Variants in ATP7A observed in about 807,000 individuals in gnomAD.
ATP7A encodes ATPase copper transporting alpha, also known as copper-transporting ATPase 1.
A neutral mutation model predicts 83.5 loss-of-function variants in ATP7A; 7 were observed. The ratio of observed to expected loss-of-function variants is 0.08; its 90% CI spans 0.05 to 0.16. ATP7A has a LOEUF of 0.16. Ranked by LOEUF, ATP7A falls within the 10% of genes least tolerant of loss-of-function variation. The pLI is 1.00. For missense variants in ATP7A, 940 were observed against 1,120.8 expected (o/e 0.84, Z 2.30); for synonymous variants, 354 against 395.2 (o/e 0.90, Z 1.24).
intron 7 of ATP7A, among the ~76,000 whole-genome samples, chrX:78,010,570 CTT>C (rs5902761): frequency 5.8e-5 from 3 of 51,587 alleles, no homozygotes; most frequent in Middle Eastern, 0.012. Context: ...ATGGTGCTAG[CTT>C]TTTTTTTTTT....
At chrX:78,041,918 G>A (rs2078051551) in intron 19 of ATP7A, among the ~76,000 whole-genome samples, 1 of 109,556 alleles carries the variant, frequency 9.1e-6, no homozygotes, top group Non-Finnish European at 1.9e-5. Context: ...GGGAGTTTGA[G>A]ACCAGCCTGG....
intron 5 of ATP7A, among the ~76,000 whole-genome samples, chrX:78,002,195 G>C (rs2077744112): frequency 9.3e-6 from 1 of 107,330 alleles, no homozygotes; most frequent in East Asian, 2.9e-4. Context: ...TCAGCTTCCT[G>C]AGTAACTGAG....
At chrX:77,997,154 G>A (rs1404560363) in intron 4 of ATP7A, among the ~76,000 whole-genome samples, 2 of 111,963 alleles carry the variant, frequency 1.8e-5, no homozygotes, top group African/African-American at 6.5e-5. Flanking sequence ...ACTTGTACAC[G>A]TACCTCCTGA....
At chrX:78,005,639 C>A (rs1408006228) in intron 6 of ATP7A, among the ~76,000 whole-genome samples, 1 of 92,798 alleles carries the variant, frequency 1.1e-5, no homozygotes, top group Non-Finnish European at 2.1e-5. Flanking sequence ...GCCAAGATCA[C>A]GCCATTGCAC....
intron 1 of ATP7A, among the ~76,000 whole-genome samples, chrX:77,956,797 C>CTTTCTTTCTTTCTTTCTCTTTCTTTCT: frequency 1.2e-5 from 1 of 82,689 alleles, no homozygotes; most frequent in East Asian, 3.8e-4. Flanking sequence ...CTCTTTCTTT[C>CTTTCTTTCTTTCTTTCTCTTTCTTTCT]TTTTTTTTTT....
In ATP7A at chrX:78,042,760, T is replaced by C; in HGVS notation, c.3977T>C (p.Ile1326Thr). 1 of 1,211,396 alleles carries C rather than the reference T, an allele frequency of 8.3e-7. No individual in the cohort carries two copies. ...IAIGTGTDVAIEAADVVLIRN... is the reference protein window; with the variant it reads ...IAIGTGTDVATEAADVVLIRN... ...ATTGGCACAGGCACAGATGTAGCCATTGAAGCAGCTGATGTGGTTTTGATA... is the reference window on the plus strand; with the variant it reads ...ATTGGCACAGGCACAGATGTAGCCACTGAAGCAGCTGATGTGGTTTTGATA... Residue 1326 changes from isoleucine to threonine, a missense_variant, in exon 20 of 23, where the codon ATT becomes ACT. Physicochemically the swap from Ile to Thr is moderately conservative, Grantham distance 89 (BLOSUM62 -1). Around this residue, in one of 3 missense-constraint regions of ATP7A, gnomAD observed 386 missense variants for 502.2 expected, o/e 0.77. Coordinates refer to ENST00000341514, the MANE Select transcript of ATP7A (RefSeq NM_000052.7).
intron 4 of ATP7A, among the ~76,000 whole-genome samples, chrX:77,996,219 C>G (rs1439160199): frequency 9.0e-6 from 1 of 111,482 alleles, no homozygotes; most frequent in Non-Finnish European, 1.9e-5. Context: ...CACATACATA[C>G]ATTTTTTTCT....
intron 5 of ATP7A, among the ~76,000 whole-genome samples, chrX:78,002,266 G>T (rs1413751539): frequency 2.1e-5 from 2 of 93,514 alleles, no homozygotes; most frequent in Non-Finnish European, 4.2e-5. Context: ...TTTTTTTGTA[G>T]AGACAGGGTT....
chrX:78,008,741 C>A (rs1220477855), intron 6 of ATP7A, among the ~76,000 whole-genome samples: 1 of 110,751 alleles, frequency 9.0e-6, no homozygotes, highest in African/African-American at 3.3e-5. Context: ...GTGTGGCAAA[C>A]CCATGAGTCC....
chrX:77,937,744 A>G (rs2077327886), intron 1 of ATP7A, among the ~76,000 whole-genome samples: 1 of 111,485 alleles, frequency 9.0e-6, no homozygotes, highest in Non-Finnish European at 1.9e-5. Context: ...CCATTTATAT[A>G]AAAATCTGAA....
At chrX:77,961,752 T>G (rs1189697666) in intron 1 of ATP7A, among the ~76,000 whole-genome samples, 1 of 111,216 alleles carries the variant, frequency 9.0e-6, no homozygotes, top group Non-Finnish European at 1.9e-5. Context: ...CCTTAAGTAC[T>G]CCATCCTGGA....
intron 1 of ATP7A, among the ~76,000 whole-genome samples, chrX:77,915,153 A>G (rs1557222381): frequency 9.0e-6 from 1 of 111,076 alleles, no homozygotes; most frequent in Non-Finnish European, 1.9e-5. Flanking sequence ...TGTCTCTACA[A>G]AAAATACAAA....
intron 1 of ATP7A, among the ~76,000 whole-genome samples, chrX:77,960,984 A>G (rs1031385703): frequency 8.9e-6 from 1 of 111,982 alleles, no homozygotes; most frequent in Admixed American, 9.5e-5. Flanking sequence ...GATGGACATA[A>G]CATATATAAC....
intron 1 of ATP7A, chrX:77,964,075 T>A (rs1258863252): frequency 8.9e-6 from 1 of 112,462 alleles, no homozygotes; most frequent in African/African-American, 3.2e-5. Flanking sequence ...ACTATGAATT[T>A]TGGAGCTTTA....
intron 1 of ATP7A, among the ~76,000 whole-genome samples, chrX:77,935,513 T>TA (rs1380028702): frequency 8.9e-6 from 1 of 112,282 alleles, no homozygotes; most frequent in Non-Finnish European, 1.9e-5. Context: ...ATTCTTTTTA[T>TA]AAAAAATAGC....
chrX:78,011,338 C>T, intron 8 of ATP7A, 86 bp downstream of exon 8: 1 of 1,063,910 alleles, frequency 9.4e-7, no homozygotes, highest in African/African-American at 1.8e-5. Flanking sequence ...ATAATATCAT[C>T]CTTATACTGG....
chrX:78,024,238 A>G (rs2077927413), intron 14 of ATP7A, among the ~76,000 whole-genome samples: 1 of 112,008 alleles, frequency 8.9e-6, no homozygotes, highest in Non-Finnish European at 1.9e-5. Context: ...TGATGCCTCT[A>G]GTTTTATTCT....
chrX:78,046,813 G>T lies in ATP7A; in HGVS notation c.*243G>T. 2.6e-6 allele frequency: 1 copy of T among 379,247 alleles called. No individual in the cohort carries two copies. The highest frequency in any genetic ancestry group is 4.5e-6 in the Non-Finnish European group (1 of 220,881). 31.3% of individuals were successfully genotyped at this position (379,247 alleles called of 1,213,427 possible). A position where few individuals can be genotyped will look rare whatever the true frequency, so the allele number is the denominator to read the frequency against. Reference sequence around the variant, plus strand: ...TTTCACTAACAACAGATAAGGTAGAGCAGTGAGGTTTACAACAAGCCCTAC... The same window carrying T: ...TTTCACTAACAACAGATAAGGTAGATCAGTGAGGTTTACAACAAGCCCTAC... On this transcript the variant is annotated 3_prime_UTR_variant, in exon 23 of 23. Coordinates refer to ENST00000341514, the MANE Select transcript of ATP7A (RefSeq NM_000052.7).
At chrX:77,935,388 G>A (rs1354095430) in intron 1 of ATP7A, among the ~76,000 whole-genome samples, 1 of 112,089 alleles carries the variant, frequency 8.9e-6, no homozygotes, top group Non-Finnish European at 1.9e-5. Context: ...GACAGGCCCA[G>A]GGCTTTAAAT....
Sources: allele counts gnomAD v4.1 joint callset (sites outside exome capture counted in the v4.1 genomes callset), GRCh38; gene constraint gnomAD v4.1.1; regional missense constraint gnomAD v4.1.1; transcripts MANE v1.5; gene names NCBI Gene and HGNC (gene_info 2026-07-23, HGNC 2026-07-21).